The following DDX60 variants were observed in gnomAD, a reference collection of about 807,000 sequenced individuals.
DDX60 encodes the protein probable ATP-dependent RNA helicase DDX60.
A neutral mutation model predicts 212.8 loss-of-function variants in DDX60; 165 were observed. That is an observed-to-expected ratio of 0.78 (90% confidence interval 0.68 to 0.88). The LOEUF is 0.88. Ranked by LOEUF, DDX60 falls within the 40% of genes least tolerant of loss-of-function variation. The pLI is 0.00. For missense variants in DDX60, 1,905 were observed against 2,003.9 expected, an observed-to-expected ratio of 0.95 and a Z score of 0.94; for synonymous variants, 703 against 685.3, an observed-to-expected ratio of 1.03 and a Z score of -0.40.
At chr4:168,284,985 C>A in intron 11 of DDX60, 50 bp from the exon 12 acceptor site, 2 of 876,668 alleles carry the variant, frequency 2.3e-6, no homozygotes, top group Non-Finnish European at 1.8e-6. Context: ...CCAAATATAA[C>A]ACAGCACAGA....
At chr4:168,246,992 T>C (rs1734046817) in intron 29 of DDX60, among the ~76,000 whole-genome samples, 1 of 152,172 alleles carries the variant, frequency 6.6e-6, no homozygotes, top group African/African-American at 2.4e-5. Context: ...ATCTTCCCCA[T>C]CTCTCATCCC....
At chr4:168,311,104 AT>A in intron 2 of DDX60, 37 bp from the exon 3 acceptor site, 1 of 1,441,944 alleles carries the variant, frequency 6.9e-7, no homozygotes. Flanking sequence ...AGAATGGGTT[AT>A]TTTTCAATTG....
At chr4:168,220,817 T>C (rs933197695) in intron 36 of DDX60, 100 bp from the exon 37 acceptor site, 2 of 557,344 alleles carry the variant, frequency 3.6e-6, no homozygotes, top group Non-Finnish European at 5.7e-6. Flanking sequence ...GTTGCTTTTG[T>C]CTGTCAAGAT....
intron 10 of DDX60, 130 bp downstream of exon 10, chr4:168,286,918 A>T: frequency 1.6e-6 from 1 of 630,198 alleles, no homozygotes; most frequent in South Asian, 2.6e-5. Flanking sequence ...GAATAAAGGT[A>T]ATTTATTTTT....
intron 5 of DDX60, among the ~76,000 whole-genome samples, chr4:168,303,346 T>C (rs1736734165): frequency 6.6e-6 from 1 of 151,644 alleles, no homozygotes; most frequent in Non-Finnish European, 1.5e-5. Context: ...CGACAGTGTG[T>C]AGGTACTGTT....
intron 19 of DDX60, among the ~76,000 whole-genome samples, chr4:168,270,880 T>C (rs1735066087): frequency 6.9e-6 from 1 of 145,046 alleles, no homozygotes; most frequent in South Asian, 2.3e-4. Context: ...TCTTTCTTTT[T>C]TTTTTTTTTT....
intron 22 of DDX60, among the ~76,000 whole-genome samples, chr4:168,264,572 A>G (rs1734761483): frequency 6.6e-6 from 1 of 152,108 alleles, no homozygotes; most frequent in Non-Finnish European, 1.5e-5. Context: ...TGATTTCTTA[A>G]GTCTCTTAGC....
chr4:168,319,739 G>T (rs1442586988), upstream of DDX60, among the ~76,000 whole-genome samples: 1 of 152,182 alleles, frequency 6.6e-6, no homozygotes, highest in Non-Finnish European at 1.5e-5. Flanking sequence ...AGAAGAGGGT[G>T]TGGAGGAAAG....
At chr4:168,224,181 T>C (rs1194850221) in intron 35 of DDX60, 62 bp downstream of exon 35, 5 of 1,579,932 alleles carry the variant, frequency 3.2e-6, no homozygotes, top group Non-Finnish European at 4.3e-6. Flanking sequence ...CTAAGCTGCC[T>C]AGCAATATAA....
chr4:168,293,475 A>G (rs1184847203), intron 7 of DDX60, among the ~76,000 whole-genome samples: 1 of 152,182 alleles, frequency 6.6e-6, no homozygotes, highest in Admixed American at 6.5e-5. Flanking sequence ...GGCACAATGC[A>G]TACAAAAAGC....
intron 1 of DDX60, among the ~76,000 whole-genome samples, 188 bp downstream of exon 1, chr4:168,318,434 C>G (rs1055575888): frequency 6.6e-6 from 1 of 152,266 alleles, no homozygotes; most frequent in Admixed American, 6.5e-5. Context: ...TCCCCACGCC[C>G]GGCCTTCCGG....
Position 168,284,936 on chromosome 4 carries a change from C to T in DDX60, c.1446-1G>A, listed in dbSNP as rs1735754698. The T allele has an allele frequency of 1.3e-6, 2 of 1,498,320 alleles. No individual in the cohort carries two copies. Among genetic ancestry groups the T allele is most frequent in the Admixed American group, 1.9e-5 (1 of 51,876 alleles). The allele number at this position is 1,498,320 out of a possible 1,614,324, so 92.8% of individuals were successfully genotyped here. On this transcript the variant is annotated splice_acceptor_variant, in intron 11 of 37. Transcript: ENST00000393743. LOFTEE classifies it high-confidence loss of function. ...CAGTGAAGTAACAATAGGATCATCA[C>T]TGTGAGACAAAAAAAGGCATATTTT...
intron 22 of DDX60, among the ~76,000 whole-genome samples, chr4:168,264,891 G>T (rs549583800): frequency 6.6e-6 from 1 of 152,102 alleles, no homozygotes; most frequent in Non-Finnish European, 1.5e-5. Context: ...GAAATAAAAG[G>T]TCACAGATTT....
At chr4:168,323,977 T>G in the DDX60 span, among the ~76,000 whole-genome samples, 1 of 152,232 alleles carries the variant, frequency 6.6e-6, no homozygotes, top group East Asian at 1.9e-4. Flanking sequence ...TCATTAAATC[T>G]ATGAACTCCC....
chr4:168,277,926 C>G (rs12642590), intron 14 of DDX60, among the ~76,000 whole-genome samples: 5 of 152,058 alleles, frequency 3.3e-5, no homozygotes, highest in African/African-American at 9.7e-5. Context: ...TCACTTCATC[C>G]TGCTCAGGAC....
intron 14 of DDX60, among the ~76,000 whole-genome samples, chr4:168,279,485 T>A (rs1429161695): frequency 6.6e-6 from 1 of 152,208 alleles, no homozygotes; most frequent in Non-Finnish European, 1.5e-5. Context: ...AATCTGGACA[T>A]GATAAGGTGC....
chr4:168,224,441 C>T, intron 34 of DDX60, 56 bp from the exon 35 acceptor site: 1 of 1,548,844 alleles, frequency 6.5e-7, no homozygotes, highest in Non-Finnish European at 8.9e-7. Flanking sequence ...AATTGTCAAA[C>T]CTCAGATACT....
intron 30 of DDX60, 143 bp downstream of exon 30, chr4:168,246,275 C>T: frequency 1.0e-6 from 1 of 952,952 alleles, no homozygotes; most frequent in Non-Finnish European, 1.6e-6. Context: ...ACCCCCAATT[C>T]TATACGATTC....
chr4:168,228,945 T>C (rs1286186325), intron 33 of DDX60, among the ~76,000 whole-genome samples: 1 of 152,054 alleles, frequency 6.6e-6, no homozygotes, highest in East Asian at 1.9e-4. Context: ...TTATTTTAAT[T>C]GAGCACATTA....
Sources: allele counts gnomAD v4.1 joint callset (sites outside exome capture counted in the v4.1 genomes callset), GRCh38; gene constraint gnomAD v4.1.1; transcripts MANE v1.5; gene names NCBI Gene and HGNC (gene_info 2026-07-23, HGNC 2026-07-21).